Variants in TRDN observed in about 807,000 individuals in gnomAD.
TRDN encodes triadin.
TRDN carries 161 observed loss-of-function variants against 149.7 expected under a neutral mutation model. The ratio of observed to expected loss-of-function variants is 1.08; its 90% CI spans 0.95 to 1.23. The LOEUF (loss-of-function observed/expected upper bound fraction) is 1.23, where lower values mean the gene tolerates loss of function less well. Ranked by LOEUF, TRDN falls within the 50% of genes most tolerant of loss-of-function variation. TRDN has a pLI of 0.00. For synonymous variants in TRDN, 294 were observed against 250.5 expected, an observed-to-expected ratio of 1.17 and a Z score of -1.64; for missense variants, 896 against 823.5, an observed-to-expected ratio of 1.09 and a Z score of -1.08.
chr6:123,275,929 G>A (rs1445910814), intron 26 of TRDN, among the ~76,000 whole-genome samples: 1 of 152,164 alleles, frequency 6.6e-6, no homozygotes, highest in Non-Finnish European at 1.5e-5. Context: ...AGACCGTGAA[G>A]TTTGGGATTA....
intron 1 of TRDN, among the ~76,000 whole-genome samples, chr6:123,601,779 G>GT (rs1355159212): frequency 6.6e-6 from 1 of 152,092 alleles, no homozygotes; most frequent in Non-Finnish European, 1.5e-5. Context: ...TTACTTGTTT[G>GT]TTAGGTTAAC....
chr6:123,451,990 C>A (rs1032471156), intron 10 of TRDN, among the ~76,000 whole-genome samples: 1 of 151,722 alleles, frequency 6.6e-6, no homozygotes, highest in Non-Finnish European at 1.5e-5. Context: ...GAATTAAAAA[C>A]GAAAATCATA....
chr6:123,241,199 A>T (rs1370885382), intron 38 of TRDN, among the ~76,000 whole-genome samples: 1 of 151,338 alleles, frequency 6.6e-6, no homozygotes, highest in African/African-American at 2.4e-5. Context: ...GAAAATTTTC[A>T]ATTTGGGAAA....
chr6:123,301,778 TATATATATAC>T (rs200108961), intron 24 of TRDN, among the ~76,000 whole-genome samples: 16,684 of 133,498 alleles, frequency 0.12, 1,763 homozygotes, highest in East Asian at 0.48. Context: ...TACATATATA[TATATATATAC>T]ATAAATGAAA....
chr6:123,416,875 G>A (rs1398750620), intron 12 of TRDN, among the ~76,000 whole-genome samples: 2 of 151,938 alleles, frequency 1.3e-5, no homozygotes, highest in African/African-American at 2.4e-5. Flanking sequence ...CTAATTTTTT[G>A]TATTTTTAAT....
Position 123,615,484 on chromosome 6 carries a change from A to ATG in TRDN, c.22+21268_22+21269dup, listed in dbSNP as rs941660973. 1.2e-3 allele frequency among the ~76,000 whole-genome samples: 176 copies of ATG among 151,552 alleles called. 1 individual carries two copies. The highest frequency in any genetic ancestry group is 4.1e-3 in the African/African-American group (168 of 41,332). On this transcript the variant is annotated intron_variant, in intron 1 of 40. Transcript: ENST00000334268. ...TATGAATAATGGAATGTGTGTGTGT[A>ATG]TGTGTGTGTGTGTATATATATAATG...
At chr6:123,364,052 T>C (rs1008912892) in intron 20 of TRDN, among the ~76,000 whole-genome samples, 1 of 152,220 alleles carries the variant, frequency 6.6e-6, no homozygotes, top group Non-Finnish European at 1.5e-5. Flanking sequence ...CACTTTCTTT[T>C]TCTGTATGTC....
At chr6:123,465,751 AT>A (rs2114713666) in intron 9 of TRDN, among the ~76,000 whole-genome samples, 1 of 152,244 alleles carries the variant, frequency 6.6e-6, no homozygotes, top group African/African-American at 2.4e-5. Flanking sequence ...CTTGCAAAAC[AT>A]TTTATCACTA....
chr6:123,313,613 C>T (rs769522404), intron 24 of TRDN, among the ~76,000 whole-genome samples: 2 of 151,842 alleles, frequency 1.3e-5, no homozygotes, highest in African/African-American at 2.4e-5. Context: ...GACCACAAAA[C>T]GGCAAAAATG....
chr6:123,306,561 A>G (rs1159023500), intron 24 of TRDN, among the ~76,000 whole-genome samples: 1 of 152,094 alleles, frequency 6.6e-6, no homozygotes, highest in Admixed American at 6.6e-5. Context: ...GACTGCTGGA[A>G]TTGCTTGTTG....
chr6:123,442,450 G>A (rs1222434940), intron 10 of TRDN: 2 of 138,442 alleles, frequency 1.4e-5, no homozygotes, highest in Non-Finnish European at 3.0e-5. Flanking sequence ...GGAGGCTGAG[G>A]CAGGAGAATG....
At chr6:123,478,114 A>T (rs942223609) in intron 9 of TRDN, among the ~76,000 whole-genome samples, 5 of 151,930 alleles carry the variant, frequency 3.3e-5, no homozygotes, top group African/African-American at 1.2e-4. Context: ...ATAAGATTAA[A>T]TTTTTTACCT....
intron 12 of TRDN, among the ~76,000 whole-genome samples, chr6:123,429,878 T>G (rs1011104533): frequency 3.3e-5 from 5 of 152,200 alleles, no homozygotes; most frequent in Non-Finnish European, 7.3e-5. Context: ...TCTTGATATA[T>G]CAATGCGTAC....
chr6:123,621,887 A>T (rs1042021761), intron 1 of TRDN, among the ~76,000 whole-genome samples: 6 of 152,192 alleles, frequency 3.9e-5, no homozygotes, highest in Non-Finnish European at 7.3e-5. Context: ...TGGGCTTCCC[A>T]TGTGCTGGAA....
At chr6:123,617,376 C>A (rs553814435) in intron 1 of TRDN, among the ~76,000 whole-genome samples, 2 of 151,982 alleles carry the variant, frequency 1.3e-5, no homozygotes, top group Non-Finnish European at 2.9e-5. Context: ...TCAGAAATGC[C>A]TGTTGAGTTG....
chr6:123,346,672 T>C lies in TRDN; in HGVS notation c.1369+5867A>G, dbSNP rs1263246043. ...ATCCTTTCTCTTGAAAATGATATTATAAAAGGAGGACACAAGTTTGTGTTT... is the reference window on the plus strand; with the variant it reads ...ATCCTTTCTCTTGAAAATGATATTACAAAAGGAGGACACAAGTTTGTGTTT... On this transcript the variant is annotated intron_variant, in intron 21 of 40. Coordinates refer to ENST00000334268, the MANE Select transcript of TRDN (RefSeq NM_006073.4). Among the ~76,000 whole-genome samples, 6 of 151,998 alleles carry C rather than the reference T, an allele frequency of 3.9e-5. No individual in the cohort carries two copies. The East Asian group carries it at 1.2e-3, about 29-fold the overall frequency.
At chr6:123,592,184 G>A (rs1783822258) in intron 1 of TRDN, among the ~76,000 whole-genome samples, 1 of 152,006 alleles carries the variant, frequency 6.6e-6, no homozygotes, top group Non-Finnish European at 1.5e-5. Flanking sequence ...TTTTTCTCTG[G>A]GCAATTGCAT....
chr6:123,635,716 A>G (rs921361447), intron 1 of TRDN, among the ~76,000 whole-genome samples: 2 of 151,938 alleles, frequency 1.3e-5, no homozygotes, highest in African/African-American at 4.8e-5. Context: ...GTATTATTCA[A>G]AGCAAACCAG....
intron 27 of TRDN, among the ~76,000 whole-genome samples, chr6:123,274,345 A>G (rs1777300900): frequency 6.6e-6 from 1 of 152,156 alleles, no homozygotes. Context: ...AAATAAAGCC[A>G]TAAGTTAAGC....
Sources: allele counts gnomAD v4.1 joint callset (sites outside exome capture counted in the v4.1 genomes callset), GRCh38; gene constraint gnomAD v4.1.1; transcripts MANE v1.5; gene names NCBI Gene and HGNC (gene_info 2026-07-23, HGNC 2026-07-21).